The following ZNF362 variants were observed in gnomAD, a reference collection of about 807,000 sequenced individuals.
The protein encoded by ZNF362 is zinc finger protein 362.
ZNF362 carries 11 observed loss-of-function variants against 42.9 expected under a neutral mutation model. That is an observed-to-expected ratio of 0.26 (90% CI 0.16 to 0.42). ZNF362 has a LOEUF of 0.42. Ranked by LOEUF, ZNF362 falls within the 20% of genes least tolerant of loss-of-function variation. ZNF362 has a pLI of 1.00. For missense variants in ZNF362, 362 were observed against 576.2 expected (o/e 0.63, Z 3.81); for synonymous variants, 255 against 257.3 (o/e 0.99, Z 0.09).
chr1:33,138,243 G>A, the ZNF362 span, among the ~76,000 whole-genome samples: 1 of 152,146 alleles, frequency 6.6e-6, no homozygotes, highest in Non-Finnish European at 1.5e-5. Flanking sequence ...TGGCCCTGAG[G>A]TCACACAGCA....
the ZNF362 span, among the ~76,000 whole-genome samples, chr1:33,246,829 C>G: frequency 6.6e-6 from 1 of 152,194 alleles, no homozygotes; most frequent in African/African-American, 2.4e-5. Context: ...ATAGACCCTG[C>G]CTTACTGGAT....
the ZNF362 span, among the ~76,000 whole-genome samples, chr1:33,135,058 G>C: frequency 6.6e-6 from 1 of 152,178 alleles, no homozygotes; most frequent in African/African-American, 2.4e-5. Context: ...AGCCGATGTG[G>C]GTGGATCACC....
the ZNF362 span, among the ~76,000 whole-genome samples, chr1:33,248,970 A>G: frequency 6.6e-6 from 1 of 152,142 alleles, no homozygotes; most frequent in Admixed American, 6.5e-5. Flanking sequence ...CAAAAATTCA[A>G]TCTCCGTCAT....
At chr1:33,178,755 G>A in the ZNF362 span, among the ~76,000 whole-genome samples, 1 of 152,226 alleles carries the variant, frequency 6.6e-6, no homozygotes, top group African/African-American at 2.4e-5. Context: ...CCCCACAACA[G>A]TGCACTAGAG....
chr1:33,205,302 A>T, the ZNF362 span, among the ~76,000 whole-genome samples: 3 of 151,640 alleles, frequency 2.0e-5, no homozygotes, highest in African/African-American at 7.3e-5. Flanking sequence ...TGAGCAACAT[A>T]GTGAGACCTC....
chr1:33,281,467 T>G lies in ZNF362; in HGVS notation c.684-120T>G, dbSNP rs1645993713. The G allele has an allele frequency of 1.1e-6, 1 of 928,482 alleles. No individual in the cohort carries two copies. The highest frequency in any genetic ancestry group is 1.6e-5 in the South Asian group (1 of 63,910). 57.5% of individuals were successfully genotyped at this position (928,482 alleles called of 1,614,324 possible). ...TGTCTTTCCCAGGTGGTCCTGTGCT[T>G]CTTGGGCTCATCACAGGAAAGACCT... On this transcript the variant is annotated intron_variant, in intron 5 of 8. Coordinates refer to ENST00000539719, the MANE Select transcript of ZNF362 (RefSeq NM_152493.3). The surrounding 1 kb of genome is among the most constrained non-coding windows in gnomAD (Gnocchi z 4.8).
At chr1:33,219,802 C>G in the ZNF362 span, among the ~76,000 whole-genome samples, 10 of 152,304 alleles carry the variant, frequency 6.6e-5, no homozygotes, top group South Asian at 6.2e-4. Flanking sequence ...CCTGAAAAAC[C>G]TGGGTCTATC....
rs780102584 is a variant in ZNF362 at position 33,276,402 on chromosome 1, A to T, written c.157A>T (p.Ile53Phe). The T allele has an allele frequency of 7.6e-6, 12 of 1,581,554 alleles. No homozygotes were observed. The highest frequency in any genetic ancestry group is 1.0e-5 in the Non-Finnish European group (12 of 1,164,368). The change falls in exon 4 of 9, where the codon ATC (isoleucine) becomes TTC (phenylalanine). Residue 53 changes from isoleucine (I) to phenylalanine (F), a missense_variant. By Grantham distance (21) the Ile-to-Phe change is conservative (BLOSUM62 0). Transcript: ENST00000539719. The part of the protein sequence containing the change: ...KIKEQLMAEK[I>F]RPPHLPPTSA... ...CAAGGAGCAGCTGATGGCCGAGAAG[A>T]TCAGGCCGCCTCACCTGCCGCCCAC...
At chr1:33,247,432 G>A in the ZNF362 span, among the ~76,000 whole-genome samples, 3 of 151,092 alleles carry the variant, frequency 2.0e-5, no homozygotes, top group Non-Finnish European at 3.0e-5. Flanking sequence ...TAAGGACCTT[G>A]CCCTAACGCT....
At chr1:33,238,382 A>AAAAT in the ZNF362 span, among the ~76,000 whole-genome samples, 1 of 9,006 alleles carries the variant, frequency 1.1e-4, no homozygotes, top group African/African-American at 2.0e-4. Flanking sequence ...AAAATAAAAT[A>AAAAT]AATAAAATAA....
chr1:33,140,408 G>A, the ZNF362 span, among the ~76,000 whole-genome samples: 3 of 152,210 alleles, frequency 2.0e-5, no homozygotes, highest in African/African-American at 7.2e-5. This position sits in a 1 kb window ranked among gnomAD's most constrained non-coding sequence, Gnocchi z 4.0. Flanking sequence ...CTGGGCCCCA[G>A]GACCTCGCTT....
At chr1:33,286,017 C>T (rs942802144) in intron 6 of ZNF362, among the ~76,000 whole-genome samples, 2 of 152,144 alleles carry the variant, frequency 1.3e-5, no homozygotes, top group African/African-American at 2.4e-5. Context: ...GAGCTGAGAT[C>T]GCACCACTGC....
chr1:33,299,207 G>C lies in ZNF362; in HGVS notation c.*161G>C. 1 of 609,360 alleles carries C rather than the reference G, an allele frequency of 1.6e-6. No individual in the cohort carries two copies. The highest frequency in any genetic ancestry group is 2.9e-6 in the Non-Finnish European group (1 of 344,928). The allele number at this position is 609,360 out of a possible 1,614,324, so 37.7% of individuals were successfully genotyped here. A position where few individuals can be genotyped will look rare whatever the true frequency, so the allele number is the denominator to read the frequency against. Reference sequence around the variant, plus strand: ...GTCCGCAGAAGCCCTGCCTGGTCCAGTCCGGGGGCGGCCAGGCCAACTGCA... The same window carrying C: ...GTCCGCAGAAGCCCTGCCTGGTCCACTCCGGGGGCGGCCAGGCCAACTGCA... On this transcript the variant is annotated 3_prime_UTR_variant, in exon 9 of 9. Coordinates refer to ENST00000539719, the MANE Select transcript of ZNF362 (RefSeq NM_152493.3).
intron 6 of ZNF362, among the ~76,000 whole-genome samples, chr1:33,284,588 CTA>C (rs985065002): frequency 6.6e-6 from 1 of 152,072 alleles, no homozygotes; most frequent in Non-Finnish European, 1.5e-5. Context: ...TATTTCATAT[CTA>C]TGTTAGGTTT....
the ZNF362 span, among the ~76,000 whole-genome samples, chr1:33,198,474 C>G: frequency 4.6e-5 from 7 of 152,128 alleles, no homozygotes; most frequent in Admixed American, 4.6e-4. Flanking sequence ...GGAGACCAGC[C>G]TGGACAACAT....
rs193088348 is a variant in ZNF362 at position 33,297,967 on chromosome 1, T to C, written c.1147-963T>C. Among the ~76,000 whole-genome samples, 387 of 152,328 alleles carry C rather than the reference T, an allele frequency of 2.5e-3. 1 individual carries two copies. The highest frequency in any genetic ancestry group is 4.2e-3 in the Non-Finnish European group (285 of 68,024). On this transcript the variant is annotated intron_variant, in intron 8 of 8. Coordinates refer to ENST00000539719, the MANE Select transcript of ZNF362 (RefSeq NM_152493.3). Reference sequence around the variant, plus strand: ...TCCTAGCTAGGAATTTGCAGGTTGCTTCCCTCTGGTATTGGATAGCATGTT... The same window carrying C: ...TCCTAGCTAGGAATTTGCAGGTTGCCTCCCTCTGGTATTGGATAGCATGTT...
At chr1:33,203,078 T>A in the ZNF362 span, among the ~76,000 whole-genome samples, 1 of 152,140 alleles carries the variant, frequency 6.6e-6, no homozygotes, top group Non-Finnish European at 1.5e-5. Flanking sequence ...ACATTAGATC[T>A]CCAGATTTGT....
the ZNF362 span, among the ~76,000 whole-genome samples, chr1:33,153,428 C>T: frequency 1.3e-5 from 2 of 152,232 alleles, no homozygotes; most frequent in Non-Finnish European, 2.9e-5. Context: ...TTCCCAGGGA[C>T]ATCTGGCAAA....
At chr1:33,145,773 A>C in the ZNF362 span, 1 of 446,248 alleles carries the variant, frequency 2.2e-6, no homozygotes, top group South Asian at 1.7e-5. Flanking sequence ...CTAGATGTGG[A>C]CTCCACCCTC....
Sources: allele counts gnomAD v4.1 joint callset (sites outside exome capture counted in the v4.1 genomes callset), GRCh38; gene constraint gnomAD v4.1.1; non-coding constraint Gnocchi (gnomAD v3.1); transcripts MANE v1.5; gene names NCBI Gene and HGNC (gene_info 2026-07-23, HGNC 2026-07-21).